NR6A1: variants seen among roughly 807,000 people sequenced by gnomAD.
NR6A1 encodes nuclear receptor subfamily 6 group A member 1.
Under a neutral mutation model 59.1 loss-of-function variants are expected in NR6A1, and 7 were observed. The ratio of observed to expected loss-of-function variants is 0.12; its 90% CI spans 0.07 to 0.22. The LOEUF is 0.22. NR6A1 is among the 10% of genes least tolerant of loss of function. The probability of loss-of-function intolerance (pLI) is 1.00; values close to 1 mark genes in which losing one functional copy is unlikely to be tolerated. For synonymous variants in NR6A1, 243 were observed against 236.1 expected (o/e 1.03, Z -0.27); for missense variants, 468 against 611.6 (o/e 0.77, Z 2.48).
intron 2 of NR6A1, among the ~76,000 whole-genome samples, chr9:124,556,238 G>A (rs941964505): frequency 6.6e-5 from 10 of 152,162 alleles, no homozygotes; most frequent in Non-Finnish European, 1.2e-4. Context: ...AAGTGTCTTC[G>A]TAAGACAGAG....
At chr9:124,639,912 T>C (rs1044886344) in intron 2 of NR6A1, among the ~76,000 whole-genome samples, 1 of 152,154 alleles carries the variant, frequency 6.6e-6, no homozygotes, top group Non-Finnish European at 1.5e-5. Flanking sequence ...CATTAGAACA[T>C]TTTTCACTTA....
In NR6A1 at chr9:124,767,439, C is replaced by T. The variant is rs192150100; in HGVS notation, c.100+3581G>A. Among the ~76,000 whole-genome samples the T allele has an allele frequency of 2.0e-5, 3 of 151,066 alleles. No individual in the cohort carries two copies. The East Asian group carries it at 5.9e-4, about 29-fold the overall frequency. On this transcript the variant is annotated intron_variant, in intron 1 of 9. Coordinates refer to ENST00000487099, the MANE Select transcript of NR6A1 (RefSeq NM_033334.4). ...ATCTCCCACCTCAGCTATGCAAAAT[C>T]ACCAGTGAATTTGCTCACTGTCGCC... is the stretch of plus-strand genomic sequence containing the variant.
intron 2 of NR6A1, among the ~76,000 whole-genome samples, chr9:124,568,895 C>T (rs1246006465): frequency 1.3e-5 from 2 of 151,826 alleles, no homozygotes; most frequent in Non-Finnish European, 2.9e-5. Flanking sequence ...GGGCGGGTCA[C>T]GAGGTCAGGA....
intron 2 of NR6A1, among the ~76,000 whole-genome samples, chr9:124,611,245 A>T (rs988030593): frequency 2.0e-5 from 3 of 152,060 alleles, no homozygotes; most frequent in Non-Finnish European, 4.4e-5. Flanking sequence ...ATTATCACTA[A>T]AGTACTTATC....
At chr9:124,670,686 T>C (rs1260719626) in intron 2 of NR6A1, among the ~76,000 whole-genome samples, 1 of 152,098 alleles carries the variant, frequency 6.6e-6, no homozygotes, top group Middle Eastern at 3.2e-3. Flanking sequence ...AAGGGTGTGT[T>C]TAAGAGCAGT....
intron 2 of NR6A1, among the ~76,000 whole-genome samples, chr9:124,611,378 C>T (rs1200004966): frequency 6.6e-6 from 1 of 152,022 alleles, no homozygotes; most frequent in Non-Finnish European, 1.5e-5. Context: ...CTCAGACATC[C>T]GTAGGGAAGA....
At chr9:124,591,702 G>T (rs761071663) in intron 2 of NR6A1, among the ~76,000 whole-genome samples, 4 of 152,104 alleles carry the variant, frequency 2.6e-5, no homozygotes, top group Non-Finnish European at 5.9e-5. Flanking sequence ...TGAGCATCAA[G>T]ACCCTGTTAG....
chr9:124,644,328 G>A (rs1414568745), intron 2 of NR6A1, among the ~76,000 whole-genome samples: 1 of 125,694 alleles, frequency 8.0e-6, no homozygotes, highest in Admixed American at 9.6e-5. Context: ...CTGGAGTGCA[G>A]TCAACCTACG....
chr9:124,754,481 A>G (rs1264949275), intron 1 of NR6A1, among the ~76,000 whole-genome samples: 1 of 152,206 alleles, frequency 6.6e-6, no homozygotes, highest in Non-Finnish European at 1.5e-5. Flanking sequence ...TTGTCTCTAC[A>G]CTGCAGCTGG....
At chr9:124,743,583 T>C (rs918776251) in intron 1 of NR6A1, among the ~76,000 whole-genome samples, 1 of 151,704 alleles carries the variant, frequency 6.6e-6, no homozygotes, top group Non-Finnish European at 1.5e-5. Context: ...TACATCACCT[T>C]TCATATAGTT....
chr9:124,745,349 A>G (rs1840294820), intron 1 of NR6A1, among the ~76,000 whole-genome samples: 1 of 152,142 alleles, frequency 6.6e-6, no homozygotes, highest in East Asian at 1.9e-4. Flanking sequence ...TGATTAAAAT[A>G]TATTGTTTTT....
At chr9:124,540,474 C>G (rs1001642426) in intron 4 of NR6A1, among the ~76,000 whole-genome samples, 1 of 152,140 alleles carries the variant, frequency 6.6e-6, no homozygotes, top group African/African-American at 2.4e-5. Flanking sequence ...TTTCCTAACC[C>G]TGAAACACCA....
intron 2 of NR6A1, among the ~76,000 whole-genome samples, chr9:124,720,806 G>T (rs1402685723): frequency 2.0e-5 from 3 of 152,120 alleles, no homozygotes; most frequent in Non-Finnish European, 4.4e-5. Context: ...GTAAAACTAT[G>T]TACAACTTTG....
At chr9:124,599,273 T>C (rs961065917) in intron 2 of NR6A1, 7 of 413,116 alleles carry the variant, frequency 1.7e-5, no homozygotes, top group African/African-American at 1.5e-4. Flanking sequence ...TGAAACCCCA[T>C]CTCTACTAAA....
At chr9:124,584,659 T>C (rs1198752299) in intron 2 of NR6A1, among the ~76,000 whole-genome samples, 1 of 152,000 alleles carries the variant, frequency 6.6e-6, no homozygotes, top group Non-Finnish European at 1.5e-5. Context: ...AATCGAAAAA[T>C]GTTGTATGTG....
chr9:124,743,817 G>T (rs1840246952), intron 1 of NR6A1, among the ~76,000 whole-genome samples: 1 of 152,190 alleles, frequency 6.6e-6, no homozygotes, highest in African/African-American at 2.4e-5. Context: ...TACAGCACAG[G>T]CATTTCTCAG....
chr9:124,549,559 T>C (rs1302638086), intron 3 of NR6A1, among the ~76,000 whole-genome samples: 1 of 152,236 alleles, frequency 6.6e-6, no homozygotes, highest in Non-Finnish European at 1.5e-5. Context: ...AGGAGTTTTC[T>C]GACCAGCCAA....
At chr9:124,662,602 G>C (rs1042576802) in intron 2 of NR6A1, among the ~76,000 whole-genome samples, 18 of 152,126 alleles carry the variant, frequency 1.2e-4, no homozygotes, top group African/African-American at 4.3e-4. Context: ...TAGACTATCA[G>C]ATAGATACTA....
chr9:124,719,727 T>G (rs147826539), intron 2 of NR6A1, among the ~76,000 whole-genome samples: 37 of 152,130 alleles, frequency 2.4e-4, no homozygotes, highest in Admixed American at 1.1e-3. Flanking sequence ...GAAACCAGCC[T>G]GAGCAACCTG....
Sources: allele counts gnomAD v4.1 joint callset (sites outside exome capture counted in the v4.1 genomes callset), GRCh38; gene constraint gnomAD v4.1.1; transcripts MANE v1.5; gene names NCBI Gene and HGNC (gene_info 2026-07-23, HGNC 2026-07-21).